NKD2: variants seen among roughly 807,000 people sequenced by gnomAD.
NKD2 encodes protein naked cuticle homolog 2.
In NKD2, 43 loss-of-function variants were observed where a neutral mutation model predicts 34.8. That is an observed-to-expected ratio of 1.24 (90% CI 0.97 to 1.60). The LOEUF is 1.60. Ranked by LOEUF, NKD2 falls within the 40% of genes most tolerant of loss-of-function variation. The pLI is 0.00. For synonymous variants in NKD2, 278 were observed against 265.1 expected, an observed-to-expected ratio of 1.05 and a Z score of -0.47; for missense variants, 675 against 627.1, an observed-to-expected ratio of 1.08 and a Z score of -0.82.
In NKD2 at chr5:1,038,065, G is replaced by A. The variant is rs1286737743; in HGVS notation, c.1048G>A (p.Gly350Arg). The change falls in exon 10 of 10, where the codon GGG becomes AGG. Residue 350 changes from glycine (G) to arginine (R), a missense_variant. Physicochemically the swap from Gly to Arg is moderately radical, Grantham distance 125 (BLOSUM62 -2). Transcript: ENST00000296849. This position sits in a 1 kb window ranked among gnomAD's most constrained non-coding sequence, Gnocchi z 4.5. ...TGGGGTGCCAGCCAGCAGCAAGTCCGGGAAAGCCTTCAGCTACTACCTGCC... is the reference window on the plus strand; with the variant it reads ...TGGGGTGCCAGCCAGCAGCAAGTCCAGGAAAGCCTTCAGCTACTACCTGCC... The part of the protein sequence containing the change: ...PPGVPASSKS[G>R]KAFSYYLPAV... 1.4e-5 allele frequency: 23 copies of A among 1,609,066 alleles called. No individual in the cohort carries two copies. Among genetic ancestry groups the A allele is most frequent in the South Asian group, 1.2e-4 (11 of 90,882 alleles).
Position 1,035,259 on chromosome 5 carries a change from TTAATG to T in NKD2, c.575-129_575-125del, listed in dbSNP as rs1339576041. The T allele has an allele frequency of 4.0e-5, 30 of 751,668 alleles. No homozygotes were observed. In the African/African-American group the frequency reaches 5.1e-4, roughly 13 times the overall value. 46.6% of individuals were successfully genotyped at this position (751,668 alleles called of 1,614,324 possible). ...ATGAATGAGTGAACAAGTGAGTGAG[TTAATG>T]AATGAGTGAACCAGTGAGTTAATGA... On this transcript the variant is annotated intron_variant, in intron 7 of 9. Coordinates refer to ENST00000296849, the MANE Select transcript of NKD2 (RefSeq NM_033120.4).
In NKD2 at chr5:1,038,711, C is replaced by G; in HGVS notation, c.*338C>G. ...GGCCCTGGAGTGCGCAAGGAGTGCCCGGATGCTTGGGGTGGGTGTTCCTCC... is the reference window on the plus strand; with the variant it reads ...GGCCCTGGAGTGCGCAAGGAGTGCCGGGATGCTTGGGGTGGGTGTTCCTCC... On this transcript the variant is annotated 3_prime_UTR_variant, in exon 10 of 10. Coordinates refer to ENST00000296849, the MANE Select transcript of NKD2 (RefSeq NM_033120.4). The surrounding 1 kb of genome is among the most constrained non-coding windows in gnomAD (Gnocchi z 4.5). The G allele has an allele frequency of 1.8e-6, 1 of 557,410 alleles. No individual in the cohort carries two copies. The highest frequency in any genetic ancestry group is 3.2e-6 in the Non-Finnish European group (1 of 308,168). The allele number at this position is 557,410 out of a possible 1,614,324, so 34.5% of individuals were successfully genotyped here.
At chr5:1,026,628 G>T (rs143712748) in intron 3 of NKD2, among the ~76,000 whole-genome samples, 18 of 151,590 alleles carry the variant, frequency 1.2e-4, no homozygotes, top group African/African-American at 3.4e-4. Context: ...CAGCCCTTTG[G>T]GTTCCTTGGG....
At chr5:1,015,314 T>TG (rs1164014123) in intron 3 of NKD2, among the ~76,000 whole-genome samples, 1 of 152,022 alleles carries the variant, frequency 6.6e-6, no homozygotes, top group East Asian at 1.9e-4. Context: ...TGGGTGGGAG[T>TG]GGGGTCCACC....
rs1325896399 is a variant in NKD2 at position 1,009,957 on chromosome 5, G to A, written c.141+397G>A. ...GAGCTGGAGGAGTTGGAGGAGGGGTGGGAGCTACAGACCTGGGGCATCACT... is the reference window on the plus strand; with the variant it reads ...GAGCTGGAGGAGTTGGAGGAGGGGTAGGAGCTACAGACCTGGGGCATCACT... On this transcript the variant is annotated intron_variant, in intron 3 of 9. Transcript: ENST00000296849. This position sits in a 1 kb window ranked among gnomAD's most constrained non-coding sequence, Gnocchi z 6.9. Among the ~76,000 whole-genome samples, 1 of 152,144 alleles carries A rather than the reference G, an allele frequency of 6.6e-6. No individual in the cohort carries two copies. Among genetic ancestry groups the A allele is most frequent in the East Asian group, 1.9e-4 (1 of 5,162 alleles).
chr5:1,012,004 G>A (rs970756039), intron 3 of NKD2, among the ~76,000 whole-genome samples: 4 of 152,246 alleles, frequency 2.6e-5, no homozygotes, highest in African/African-American at 9.6e-5. Context: ...CTGGGGATGT[G>A]CGTGGGTGAG....
chr5:1,033,466 G>T lies in NKD2; in HGVS notation c.297G>T (p.Pro99=). 3 of 1,555,810 alleles carry T rather than the reference G, an allele frequency of 1.9e-6. No individual in the cohort carries two copies. Among genetic ancestry groups the T allele is most frequent in the Non-Finnish European group, 2.6e-6 (3 of 1,150,192 alleles). Residue 99 remains proline, a synonymous_variant, in exon 5 of 10, where the codon CCG becomes CCT. Coordinates refer to ENST00000296849, the MANE Select transcript of NKD2 (RefSeq NM_033120.4). ...AGAGGGCAGCAAACCGCGAGGGCCC[G>T]CGAGGACCGGGCGGGCAGCGCCTCA... ...DGERAANREG[P]RGPGGQRLNI...
chr5:1,036,150 G>A (rs918863756), intron 8 of NKD2, 107 bp from the exon 9 acceptor site: 13 of 1,396,882 alleles, frequency 9.3e-6, no homozygotes, highest in Non-Finnish European at 1.1e-5. Context: ...GGTGGGTGCT[G>A]GTCAGGATGC....
At chr5:1,027,750 G>A (rs1345362754) in intron 3 of NKD2, among the ~76,000 whole-genome samples, 2 of 152,228 alleles carry the variant, frequency 1.3e-5, no homozygotes, top group East Asian at 1.9e-4. Flanking sequence ...CTGCCCTCAC[G>A]AGGCCCAGGA....
chr5:1,009,590 G>A lies in NKD2; in HGVS notation c.141+30G>A. On this transcript the variant is annotated intron_variant, in intron 3 of 9. Transcript: ENST00000296849. This position sits in a 1 kb window ranked among gnomAD's most constrained non-coding sequence, Gnocchi z 6.9. ...GCGGCGGGGCGGAGGCTGGGGTCGC[G>A]CTGCGCACCCGCCCGGGGGCGGGGA... The A allele has an allele frequency of 7.1e-7, 1 of 1,412,144 alleles. No individual in the cohort carries two copies. The highest frequency in any genetic ancestry group is 1.5e-5 in the South Asian group (1 of 66,006). The allele number at this position is 1,412,144 out of a possible 1,614,324, so 87.5% of individuals were successfully genotyped here.
chr5:1,017,398 G>A lies in NKD2; in HGVS notation c.141+7838G>A, dbSNP rs139688242. Among the ~76,000 whole-genome samples the A allele has an allele frequency of 4.8e-3, 737 of 152,380 alleles. 4 individuals are homozygous for A. The highest frequency in any genetic ancestry group is 0.016 in the African/African-American group (685 of 41,586). On this transcript the variant is annotated intron_variant, in intron 3 of 9. Transcript: ENST00000296849. Reference sequence around the variant, plus strand: ...AGCCACTCATGTCTGAGACCAGCCAGCCCCAGACAGAGCTGGAGCAGGGGC... The same window carrying A: ...AGCCACTCATGTCTGAGACCAGCCAACCCCAGACAGAGCTGGAGCAGGGGC...
chr5:1,014,330 T>C (rs934156503), intron 3 of NKD2, among the ~76,000 whole-genome samples: 2 of 152,252 alleles, frequency 1.3e-5, no homozygotes, highest in East Asian at 3.8e-4. Context: ...TGGGCCGCCG[T>C]ATGCCTGCAT....
At chr5:1,033,781 T>A (rs1756741294) in intron 5 of NKD2, among the ~76,000 whole-genome samples, 1 of 152,248 alleles carries the variant, frequency 6.6e-6, no homozygotes, top group South Asian at 2.1e-4. Context: ...CCCTTGGCAC[T>A]ACAGGAGTAA....
chr5:1,027,093 G>T (rs1345730452), intron 3 of NKD2, among the ~76,000 whole-genome samples: 2 of 152,250 alleles, frequency 1.3e-5, no homozygotes, highest in African/African-American at 4.8e-5. Flanking sequence ...CCAGCTCCTG[G>T]GGGCCCCCTG....
chr5:1,035,100 A>AC (rs1370237320), intron 7 of NKD2, among the ~76,000 whole-genome samples, 197 bp downstream of exon 7: 1 of 152,150 alleles, frequency 6.6e-6, no homozygotes, highest in Non-Finnish European at 1.5e-5. Flanking sequence ...GAATGAATGA[A>AC]CAAGTGAGTG....
In NKD2 at chr5:1,038,826, A is replaced by T; in HGVS notation, c.*453A>T. On this transcript the variant is annotated 3_prime_UTR_variant, in exon 10 of 10. Coordinates refer to ENST00000296849, the MANE Select transcript of NKD2 (RefSeq NM_033120.4). This position sits in a 1 kb window ranked among gnomAD's most constrained non-coding sequence, Gnocchi z 4.5. ...TGAGGCTTTGCCTGGCTTGTGCATC[A>T]TGAAGTGAGAGGGGACAGGGCCGGT... 3.0e-6 allele frequency: 1 copy of T among 333,950 alleles called. No homozygotes were observed. The highest frequency in any genetic ancestry group is 7.5e-5 in the East Asian group (1 of 13,256). 20.7% of individuals were successfully genotyped at this position (333,950 alleles called of 1,614,324 possible).
At chr5:1,036,468 G>T in intron 9 of NKD2, 84 bp downstream of exon 9, 2 of 1,184,076 alleles carry the variant, frequency 1.7e-6, no homozygotes, top group South Asian at 2.9e-5. Flanking sequence ...CCTGAGTGCA[G>T]GGGGCCCCTC....
At position 1,035,148 on chromosome 5, in the gene NKD2, A is replaced by G. The variant is rs1417967357; in HGVS notation, c.575-241A>G. Among the ~76,000 whole-genome samples the G allele has an allele frequency of 4.0e-5, 6 of 151,010 alleles. No individual in the cohort carries two copies. The East Asian group carries it at 1.2e-3, about 30-fold the overall frequency. On this transcript the variant is annotated intron_variant, in intron 7 of 9. Coordinates refer to ENST00000296849, the MANE Select transcript of NKD2 (RefSeq NM_033120.4). ...AGTGAACAAGTGAGTTAATGAATGA[A>G]TGAGTTAATGAATGAGTGAGTGTTA...
At chr5:1,019,348 A>G (rs1354651026) in intron 3 of NKD2, among the ~76,000 whole-genome samples, 1 of 152,102 alleles carries the variant, frequency 6.6e-6, no homozygotes. Flanking sequence ...TCTTCTCTGA[A>G]CAATTTTTAC....
Sources: gnomAD v4.1 joint callset for allele counts (sites outside exome capture counted in the v4.1 genomes callset) on GRCh38, gnomAD v4.1.1 for gene constraint, Gnocchi (gnomAD v3.1) non-coding constraint, MANE v1.5 for transcripts, NCBI Gene and HGNC (gene_info 2026-07-23, HGNC 2026-07-21) for gene names.